PLXNA4: variants seen among roughly 807,000 people sequenced by gnomAD.
PLXNA4 encodes the protein plexin-A4.
Under a neutral mutation model 191.8 loss-of-function variants are expected in PLXNA4, and 44 were observed. The ratio of observed to expected loss-of-function variants is 0.23; its 90% CI spans 0.18 to 0.29. PLXNA4 has a LOEUF of 0.29. Among genes scored for constraint, PLXNA4 ranks in the 10% least tolerant of loss-of-function variants. The probability of loss-of-function intolerance (pLI) is 1.00; values close to 1 mark genes in which losing one functional copy is unlikely to be tolerated. For missense variants in PLXNA4, 1,800 were observed against 2,488.8 expected, an observed-to-expected ratio of 0.72 and a Z score of 5.89; for synonymous variants, 1,082 against 1,009.5, an observed-to-expected ratio of 1.07 and a Z score of -1.36.
At chr7:132,146,436 GGCATT>G in intron 28 of PLXNA4, 69 bp downstream of exon 28, 1 of 1,613,082 alleles carries the variant, frequency 6.2e-7, no homozygotes. Flanking sequence ...TGGCTACTCT[GGCATT>G]TCTGTGGGCT....
At chr7:132,600,867 CAAT>C (rs1393114238) in intron 2 of PLXNA4, among the ~76,000 whole-genome samples, 64 of 151,846 alleles carry the variant, frequency 4.2e-4, no homozygotes, top group African/African-American at 1.5e-3. Context: ...TCTATTTTAC[CAAT>C]AATATGAAAA....
rs1258538647 is a variant in PLXNA4, at chr7:132,508,289, T to C, written c.405A>G (p.Gln135=). 1.2e-6 allele frequency: 2 copies of C among 1,614,216 alleles called. No homozygotes were observed. Among genetic ancestry groups the C allele is most frequent in the East Asian group, 4.5e-5 (2 of 44,878 alleles). Residue 135 remains glutamine, a synonymous_variant, in exon 2 of 32, where the codon CAA becomes CAG. Transcript: ENST00000321063. The surrounding 1 kb of genome is among the most constrained non-coding windows in gnomAD (Gnocchi z 4.4). ...CCAGCCTCAGCAGCTTGCAGATGCC[T>C]TGGTACAGGCTCCCACAGGCAATCA... The part of the protein sequence containing the change: ...NRLIACGSLY[Q]GICKLLRLED...
intron 3 of PLXNA4, among the ~76,000 whole-genome samples, chr7:132,356,147 T>G (rs1215116153): frequency 6.6e-6 from 1 of 152,188 alleles, no homozygotes; most frequent in South Asian, 2.1e-4. Flanking sequence ...CAGATCTTCC[T>G]AGAAGCTCTA....
Position 132,377,772 on chromosome 7 carries a change from G to C in PLXNA4, c.1372-79550C>G, listed in dbSNP as rs1804720721. 2.6e-5 allele frequency among the ~76,000 whole-genome samples: 4 copies of C among 152,196 alleles called. No homozygotes were observed. In the South Asian group the frequency reaches 8.3e-4, roughly 31 times the overall value. ...TCCAGAAGATATCTGTGAGCAGGAA[G>C]GTATGGCCAGGGGTAACGAGTGAAA... On this transcript the variant is annotated intron_variant, in intron 3 of 31. Coordinates refer to ENST00000321063, the MANE Select transcript of PLXNA4 (RefSeq NM_020911.2).
intron 3 of PLXNA4, among the ~76,000 whole-genome samples, chr7:132,363,108 C>T (rs1049143853): frequency 1.3e-5 from 2 of 152,206 alleles, no homozygotes; most frequent in African/African-American, 4.8e-5. Context: ...CCTCAGCCTC[C>T]CAAGTAGCTG....
chr7:132,342,611 T>C (rs978941513), intron 3 of PLXNA4, among the ~76,000 whole-genome samples: 3 of 152,082 alleles, frequency 2.0e-5, no homozygotes, highest in Non-Finnish European at 2.9e-5. Context: ...AGAAGGGAGC[T>C]GACTAAGACT....
rs538086802 is a variant in PLXNA4, at chr7:132,372,981, C to T, written c.1372-74759G>A. ...ACCATAAAATAATTTAATGCTATGC[C>T]AACTATATAATGCCAAACATTTATT... On this transcript the variant is annotated intron_variant, in intron 3 of 31. Transcript: ENST00000321063. Among the ~76,000 whole-genome samples, 26 of 152,292 alleles carry T rather than the reference C, an allele frequency of 1.7e-4. 1 individual carries two copies. In the South Asian group the frequency reaches 5.4e-3, roughly 32 times the overall value.
chr7:132,147,895 C>T lies in PLXNA4; in HGVS notation c.4864+5G>A, dbSNP rs1310547043. On this transcript the variant is annotated splice_donor_5th_base_variant and intron_variant, in intron 27 of 31. Coordinates refer to ENST00000321063, the MANE Select transcript of PLXNA4 (RefSeq NM_020911.2). ...GCCTCCCTAGGACACTCGGTGGGAT[C>T]TTACCATATTTACTTGCTGAGGTCC... The T allele has an allele frequency of 6.2e-7, 1 of 1,614,118 alleles. No individual in the cohort carries two copies. The highest frequency in any genetic ancestry group is 1.7e-5 in the Admixed American group (1 of 60,020).
chr7:132,620,247 C>A (rs137925871), intron 2 of PLXNA4, among the ~76,000 whole-genome samples: 2 of 152,222 alleles, frequency 1.3e-5, no homozygotes, highest in East Asian at 1.9e-4. Flanking sequence ...TCTGAGGTGA[C>A]CCTGGATAAG....
At chr7:132,213,887 C>T (rs1219749385) in intron 9 of PLXNA4, among the ~76,000 whole-genome samples, 1 of 152,188 alleles carries the variant, frequency 6.6e-6, no homozygotes, top group African/African-American at 2.4e-5. Flanking sequence ...CACCACCTCC[C>T]GCCATCCACA....
At chr7:132,485,025 A>T in intron 3 of PLXNA4, 1 of 1,609,186 alleles carries the variant, frequency 6.2e-7, no homozygotes, top group African/African-American at 1.3e-5. Flanking sequence ...TAGGGAACAA[A>T]AGCAAATTAA....
At chr7:132,349,058 G>A (rs1803371525) in intron 3 of PLXNA4, among the ~76,000 whole-genome samples, 1 of 152,160 alleles carries the variant, frequency 6.6e-6, no homozygotes, top group African/African-American at 2.4e-5. Flanking sequence ...GACACTGGTA[G>A]CCATCCAACG....
chr7:132,516,364 C>T (rs1472323045), intron 1 of PLXNA4, among the ~76,000 whole-genome samples: 2 of 152,006 alleles, frequency 1.3e-5, no homozygotes, highest in South Asian at 2.1e-4. Flanking sequence ...GGAGACCAAC[C>T]GGTCCACCAG....
chr7:132,302,530 G>A (rs1401004356), intron 3 of PLXNA4, among the ~76,000 whole-genome samples: 1 of 151,880 alleles, frequency 6.6e-6, no homozygotes, highest in Non-Finnish European at 1.5e-5. Flanking sequence ...AGGGATCAGA[G>A]CCACCATTTA....
chr7:132,245,209 G>A (rs1179241549), intron 4 of PLXNA4, among the ~76,000 whole-genome samples: 1 of 152,162 alleles, frequency 6.6e-6, no homozygotes, highest in Admixed American at 6.5e-5. Context: ...AGAGGGGCGG[G>A]GGAGGGACTT....
chr7:132,575,136 C>T (rs1802165845), intron 1 of PLXNA4, among the ~76,000 whole-genome samples: 1 of 152,104 alleles, frequency 6.6e-6, no homozygotes, highest in Non-Finnish European at 1.5e-5. Context: ...TGTTCTTCTC[C>T]CTATGACAAC....
chr7:132,380,978 G>A (rs1234763518), intron 3 of PLXNA4, among the ~76,000 whole-genome samples: 3 of 152,230 alleles, frequency 2.0e-5, no homozygotes, highest in Non-Finnish European at 4.4e-5. Flanking sequence ...GGACAGTTGT[G>A]GAAATCTCCT....
chr7:132,641,779 C>T (rs1361866799), intron 2 of PLXNA4, among the ~76,000 whole-genome samples: 1 of 152,072 alleles, frequency 6.6e-6, no homozygotes, highest in African/African-American at 2.4e-5. Context: ...AACTAAACCC[C>T]AGATATGCAA....
chr7:132,531,281 C>T (rs923764196), intron 1 of PLXNA4, among the ~76,000 whole-genome samples: 2 of 152,182 alleles, frequency 1.3e-5, no homozygotes, highest in African/African-American at 4.8e-5. Flanking sequence ...CACTGTAGTC[C>T]TCTGCCATCC....
Sources: gnomAD v4.1 joint callset for allele counts (sites outside exome capture counted in the v4.1 genomes callset) on GRCh38, gnomAD v4.1.1 for gene constraint, Gnocchi (gnomAD v3.1) non-coding constraint, MANE v1.5 for transcripts, NCBI Gene and HGNC (gene_info 2026-07-23, HGNC 2026-07-21) for gene names.